RBFOX3: variants seen among roughly 807,000 people sequenced by gnomAD.
RBFOX3 encodes RNA binding protein fox-1 homolog 3.
In RBFOX3, 17 loss-of-function variants were observed where a neutral mutation model predicts 48.7. The ratio of observed to expected loss-of-function variants is 0.35; its 90% confidence interval spans 0.24 to 0.52. The LOEUF (loss-of-function observed/expected upper bound fraction) is 0.52, where lower values mean the gene tolerates loss of function less well. Among genes scored for constraint, RBFOX3 ranks in the 20% least tolerant of loss-of-function variants. The pLI, the probability that RBFOX3 is intolerant of heterozygous loss-of-function variation, is 0.94. For missense variants in RBFOX3, 382 were observed against 497.5 expected (o/e 0.77, Z 2.21); for synonymous variants, 212 against 209.5 (o/e 1.01, Z -0.10).
intron 4 of RBFOX3, among the ~76,000 whole-genome samples, chr17:79,228,382 C>T (rs531051231): frequency 2.0e-5 from 3 of 152,286 alleles, no homozygotes; most frequent in South Asian, 2.1e-4. Flanking sequence ...GGAACACGCC[C>T]GGACAAGCCT....
At chr17:79,656,683 GGGAAGGAAGGAA>G in the RBFOX3 span, among the ~76,000 whole-genome samples, 49 of 39,606 alleles carry the variant, frequency 1.2e-3, no homozygotes, top group African/African-American at 2.6e-3. Context: ...GAAGGAAGGA[GGGAAGGAAGGAA>G]GGAAGGAAGG....
intron 1 of RBFOX3, among the ~76,000 whole-genome samples, chr17:79,485,420 G>C (rs991566734): frequency 3.4e-4 from 51 of 152,122 alleles, no homozygotes; most frequent in Non-Finnish European, 5.7e-4. Context: ...GTCGGGAGAT[G>C]TGATGAAAGA....
At chr17:79,173,491 C>G (rs1045932645) in intron 4 of RBFOX3, among the ~76,000 whole-genome samples, 1 of 152,188 alleles carries the variant, frequency 6.6e-6, no homozygotes, top group African/African-American at 2.4e-5. Context: ...AGGGCCTATT[C>G]TCTCTAAGGG....
chr17:79,141,494 A>G (rs1226887549), intron 4 of RBFOX3, among the ~76,000 whole-genome samples: 2 of 151,738 alleles, frequency 1.3e-5, no homozygotes, highest in African/African-American at 2.4e-5. Flanking sequence ...CTCTTCTTAT[A>G]GTGGCTCAGA....
chr17:79,525,737 A>G lies in RBFOX3; in HGVS notation c.-319-43139T>C, dbSNP rs1472569976. On this transcript the variant is annotated intron_variant, in intron 1 of 14. Transcript: ENST00000693108. ...TTTTTCTAAGCTTGGGTTTTTGTAG[A>G]GGAAAGTTGTTTCCTTGTTTGAGTA... is the stretch of plus-strand genomic sequence containing the variant. Among the ~76,000 whole-genome samples, 16 of 152,184 alleles carry G rather than the reference A, an allele frequency of 1.1e-4. No homozygotes were observed. The East Asian group carries it at 2.7e-3, about 26-fold the overall frequency.
At chr17:79,336,826 A>G (rs946989571) in intron 2 of RBFOX3, among the ~76,000 whole-genome samples, 7 of 152,186 alleles carry the variant, frequency 4.6e-5, no homozygotes, top group Admixed American at 4.6e-4. Context: ...AGGCACAATA[A>G]AAAGTGAAGT....
At chr17:79,096,879 T>G in intron 11 of RBFOX3, 46 bp from the exon 12 acceptor site, 2 of 629,634 alleles carry the variant, frequency 3.2e-6, no homozygotes, top group Non-Finnish European at 2.8e-6. Context: ...GATCAGCAAC[T>G]TTCTCCCACA....
intron 2 of RBFOX3, among the ~76,000 whole-genome samples, chr17:79,318,983 C>T (rs576993010): frequency 6.6e-6 from 1 of 151,450 alleles, no homozygotes; most frequent in South Asian, 2.1e-4. Context: ...TGTAACTAAC[C>T]TGCACGTTGT....
chr17:79,587,250 T>C (rs1267028163), intron 1 of RBFOX3, among the ~76,000 whole-genome samples: 4 of 152,178 alleles, frequency 2.6e-5, no homozygotes, highest in Admixed American at 2.6e-4. Context: ...AGAGCCCTTT[T>C]CCACACTCGG....
intron 2 of RBFOX3, among the ~76,000 whole-genome samples, chr17:79,333,341 C>T (rs1390351139): frequency 6.6e-6 from 1 of 152,210 alleles, no homozygotes; most frequent in Non-Finnish European, 1.5e-5. Context: ...CTCCTGCGTA[C>T]TGTGCTCTGC....
chr17:79,095,323 G>A (rs111794417), intron 13 of RBFOX3, among the ~76,000 whole-genome samples, 190 bp downstream of exon 13: 5 of 152,208 alleles, frequency 3.3e-5, no homozygotes, highest in African/African-American at 1.2e-4. Flanking sequence ...GGGGTAAGCA[G>A]GAAGTGACTG....
intron 2 of RBFOX3, among the ~76,000 whole-genome samples, chr17:79,373,803 G>T (rs879571746): frequency 6.6e-6 from 1 of 152,066 alleles, no homozygotes; most frequent in Admixed American, 6.5e-5. Context: ...CAGGCTGAGC[G>T]CAGGGACCAG....
intron 4 of RBFOX3, among the ~76,000 whole-genome samples, chr17:79,228,109 C>T (rs1335997781): frequency 6.6e-6 from 1 of 152,152 alleles, no homozygotes; most frequent in Non-Finnish European, 1.5e-5. Flanking sequence ...CTGGCCTGCT[C>T]CTCCTTCTAA....
At chr17:79,582,474 A>G (rs2093104140) in intron 1 of RBFOX3, among the ~76,000 whole-genome samples, 1 of 152,198 alleles carries the variant, frequency 6.6e-6, no homozygotes, top group Admixed American at 6.5e-5. Flanking sequence ...GAAGGGGAAG[A>G]CAAGATCTTT....
intron 1 of RBFOX3, among the ~76,000 whole-genome samples, chr17:79,493,371 A>C (rs1455932422): frequency 6.6e-6 from 1 of 152,168 alleles, no homozygotes; most frequent in Non-Finnish European, 1.5e-5. Flanking sequence ...AACCGTATCA[A>C]GAGCATTTCC....
intron 1 of RBFOX3, among the ~76,000 whole-genome samples, chr17:79,537,434 A>C (rs1239743980): frequency 1.3e-5 from 2 of 152,152 alleles, no homozygotes; most frequent in African/African-American, 4.8e-5. Flanking sequence ...TTTCCAAATA[A>C]AGTCCCATTC....
chr17:79,503,898 G>T (rs2082706827), intron 1 of RBFOX3, among the ~76,000 whole-genome samples: 1 of 152,334 alleles, frequency 6.6e-6, no homozygotes, highest in East Asian at 1.9e-4. Flanking sequence ...ACCAGGACGG[G>T]GATGCAAAAC....
chr17:79,268,245 C>A (rs564041254), intron 3 of RBFOX3, among the ~76,000 whole-genome samples: 14 of 152,288 alleles, frequency 9.2e-5, no homozygotes, highest in South Asian at 6.2e-4. Context: ...CAGACCCTGG[C>A]CACCCTCAGG....
chr17:79,212,989 G>A lies in RBFOX3; in HGVS notation c.-34+22777C>T, dbSNP rs2058574533. 1.0e-5 allele frequency among the ~76,000 whole-genome samples: 1 copy of A among 100,038 alleles called. No homozygotes were observed. Among genetic ancestry groups the A allele is most frequent in the Admixed American group, 9.4e-5 (1 of 10,604 alleles). The allele number at this position is 100,038 out of a possible 152,430, so 65.6% of individuals were successfully genotyped here. On this transcript the variant is annotated intron_variant, in intron 4 of 14. Coordinates refer to ENST00000693108, the MANE Select transcript of RBFOX3 (RefSeq NM_001350451.2). The surrounding 1 kb of genome is among the most constrained non-coding windows in gnomAD (Gnocchi z 4.7). Reference sequence around the variant, plus strand: ...CCTGCCTCAGCCTCCTGAGTAGCTGGGATTACAGGCATGCGCCTGTAATGC... The same window carrying A: ...CCTGCCTCAGCCTCCTGAGTAGCTGAGATTACAGGCATGCGCCTGTAATGC...
Sources: gnomAD v4.1 joint callset for allele counts (sites outside exome capture counted in the v4.1 genomes callset) on GRCh38, gnomAD v4.1.1 for gene constraint, Gnocchi (gnomAD v3.1) non-coding constraint, MANE v1.5 for transcripts, NCBI Gene and HGNC (gene_info 2026-07-23, HGNC 2026-07-21) for gene names.